Variants in HHIPL1 observed in about 807,000 individuals in gnomAD.
HHIPL1 encodes the protein HHIP-like protein 1.
A neutral mutation model predicts 61.8 loss-of-function variants in HHIPL1; 43 were observed. The ratio of observed to expected loss-of-function variants is 0.70; its 90% confidence interval spans 0.55 to 0.90. The LOEUF (loss-of-function observed/expected upper bound fraction) is 0.90, where lower values mean the gene tolerates loss of function less well. Ranked by LOEUF, HHIPL1 falls within the 40% of genes least tolerant of loss-of-function variation. The pLI is 0.00. For missense variants in HHIPL1, 1,056 were observed against 1,157.7 expected (o/e 0.91, Z 1.28); for synonymous variants, 482 against 515.8 (o/e 0.93, Z 0.89).
chr14:99,619,375 T>C, the HHIPL1 span, among the ~76,000 whole-genome samples: 2 of 151,568 alleles, frequency 1.3e-5, no homozygotes, highest in East Asian at 3.9e-4. Context: ...GGCAGGAGAA[T>C]TGCTTGAACC....
At chr14:99,646,787 AATATAATATGATATG>A (rs1252976960) in intron 1 of HHIPL1, among the ~76,000 whole-genome samples, 2,371 of 134,178 alleles carry the variant, frequency 0.018, 36 homozygotes, top group Middle Eastern at 0.049. Context: ...AATATAATAT[AATATAATATGATATG>A]ATATGATATG....
chr14:99,666,100 G>A (rs572981219), intron 6 of HHIPL1, among the ~76,000 whole-genome samples: 1 of 152,264 alleles, frequency 6.6e-6, no homozygotes, highest in South Asian at 2.1e-4. Context: ...TTTCTTTATG[G>A]CCAGTTTTAC....
chr14:99,667,524 A>G (rs2056264890), intron 6 of HHIPL1, among the ~76,000 whole-genome samples: 1 of 152,030 alleles, frequency 6.6e-6, no homozygotes, highest in Admixed American at 6.5e-5. Context: ...GGAGAAGTTG[A>G]GGCTTAGAAT....
chr14:99,661,623 AC>A (rs958518510), intron 5 of HHIPL1, among the ~76,000 whole-genome samples: 1 of 152,052 alleles, frequency 6.6e-6, no homozygotes, highest in African/African-American at 2.4e-5. Flanking sequence ...ATGTGCCACC[AC>A]GCTTGGCTAA....
the HHIPL1 span, among the ~76,000 whole-genome samples, chr14:99,615,651 G>GAA: frequency 4.8e-5 from 7 of 145,212 alleles, no homozygotes; most frequent in South Asian, 2.2e-4. Flanking sequence ...AAGGAAGAGA[G>GAA]AGAGAGAAAG....
At chr14:99,625,964 G>A in the HHIPL1 span, among the ~76,000 whole-genome samples, 20 of 152,252 alleles carry the variant, frequency 1.3e-4, no homozygotes, top group African/African-American at 3.9e-4. Flanking sequence ...ATTCAAAGTC[G>A]TTGTGAGGAT....
intron 6 of HHIPL1, 148 bp downstream of exon 6, chr14:99,663,169 G>A: frequency 2.8e-6 from 2 of 707,906 alleles, no homozygotes; most frequent in Non-Finnish European, 4.5e-6. Flanking sequence ...CTCCAGACGT[G>A]CATGTGCCTC....
chr14:99,672,568 T>A (rs1367768831), intron 8 of HHIPL1, among the ~76,000 whole-genome samples, 169 bp downstream of exon 8: 1 of 152,230 alleles, frequency 6.6e-6, no homozygotes, highest in Admixed American at 6.5e-5. Context: ...GTAAGGTGGA[T>A]GGGACTTTAA....
rs752024337 is a variant in HHIPL1, at chr14:99,660,307, C to T, written c.1403C>T (p.Pro468Leu). 5.6e-6 allele frequency: 9 copies of T among 1,614,090 alleles called. No homozygotes were observed. Among genetic ancestry groups the T allele is most frequent in the Middle Eastern group, 1.7e-4 (1 of 6,056 alleles). Residue 468 changes from proline to leucine, a missense_variant, in exon 5 of 9, where the codon CCG becomes CTG. Coordinates refer to ENST00000330710, the MANE Select transcript of HHIPL1 (RefSeq NM_001127258.3). The surrounding 1 kb of genome is among the most constrained non-coding windows in gnomAD (Gnocchi z 4.9). ...LNDLLPIFAY[P>L]HTVGKSVTGG... ...GACTTGCTGCCGATTTTCGCCTACC[C>T]GCACACGGTTGGCAAGTCGGTCACA...
the HHIPL1 span, among the ~76,000 whole-genome samples, chr14:99,634,885 C>T: frequency 3.9e-5 from 6 of 152,136 alleles, no homozygotes; most frequent in African/African-American, 9.7e-5. Context: ...TTTCAAACTT[C>T]CTCTGACAGG....
chr14:99,645,868 T>C (rs10141614), intron 1 of HHIPL1, among the ~76,000 whole-genome samples: 148,670 of 152,290 alleles, frequency 0.98, 72,669 homozygotes, highest in Middle Eastern at 1. Flanking sequence ...CAGTGCTCCT[T>C]TGTGTTGTCC....
chr14:99,672,527 G>C (rs1208000854), intron 8 of HHIPL1, 128 bp downstream of exon 8: 1 of 732,164 alleles, frequency 1.4e-6, no homozygotes, highest in African/African-American at 1.7e-5. Flanking sequence ...CCTGTGCCTA[G>C]CACTGTGCCT....
the HHIPL1 span, among the ~76,000 whole-genome samples, chr14:99,633,511 G>A: frequency 6.6e-6 from 1 of 152,340 alleles, no homozygotes; most frequent in South Asian, 2.1e-4. Flanking sequence ...TGGGAGGGAT[G>A]AGCCAGGTCT....
chr14:99,619,325 G>A, the HHIPL1 span, among the ~76,000 whole-genome samples: 4 of 151,804 alleles, frequency 2.6e-5, no homozygotes, highest in African/African-American at 9.7e-5. Context: ...AGCCAGGTGT[G>A]GTGGCGGGCA....
chr14:99,610,871 GTAGTT>G, the HHIPL1 span, among the ~76,000 whole-genome samples: 1 of 152,172 alleles, frequency 6.6e-6, no homozygotes, highest in Non-Finnish European at 1.5e-5. Context: ...ACATGTAGCT[GTAGTT>G]CATTCATTTT....
chr14:99,671,086 C>T (rs148624549), intron 7 of HHIPL1, among the ~76,000 whole-genome samples: 150 of 152,272 alleles, frequency 9.9e-4, no homozygotes, highest in Non-Finnish European at 1.1e-3. Context: ...TTCCTCCTCC[C>T]GCCCTGACCC....
chr14:99,663,704 G>C (rs527729489), intron 6 of HHIPL1, among the ~76,000 whole-genome samples: 14 of 152,222 alleles, frequency 9.2e-5, no homozygotes, highest in African/African-American at 3.1e-4. Flanking sequence ...CTCCTCATGC[G>C]TCTTCACCTC....
the HHIPL1 span, among the ~76,000 whole-genome samples, chr14:99,630,909 G>A: frequency 6.6e-6 from 1 of 152,090 alleles, no homozygotes; most frequent in Non-Finnish European, 1.5e-5. Context: ...CTGGATCTCC[G>A]CTTTCCCCTG....
chr14:99,637,202 A>AG, the HHIPL1 span, among the ~76,000 whole-genome samples: 1 of 30,082 alleles, frequency 3.3e-5, no homozygotes, highest in Admixed American at 2.3e-4. Flanking sequence ...GAAAGAAAGG[A>AG]AGAAAGAAAG....
Sources: allele counts gnomAD v4.1 joint callset (sites outside exome capture counted in the v4.1 genomes callset), GRCh38; gene constraint gnomAD v4.1.1; non-coding constraint Gnocchi (gnomAD v3.1); transcripts MANE v1.5; gene names NCBI Gene and HGNC (gene_info 2026-07-23, HGNC 2026-07-21).